Variants in STXBP5 observed in about 807,000 individuals in gnomAD.
STXBP5 encodes syntaxin binding protein 5.
In STXBP5, 50 loss-of-function variants were observed where a neutral mutation model predicts 152.4. That is an observed-to-expected ratio of 0.33 (90% confidence interval 0.26 to 0.42). The LOEUF (loss-of-function observed/expected upper bound fraction) is 0.42, where lower values mean the gene tolerates loss of function less well. STXBP5 is among the 10% of genes least tolerant of loss of function. The pLI is 1.00. For missense variants in STXBP5, 1,167 were observed against 1,388.6 expected (o/e 0.84, Z 2.54); for synonymous variants, 492 against 494.7 (o/e 0.99, Z 0.07).
At chr6:147,371,952 A>C (rs765605835) in intron 25 of STXBP5, among the ~76,000 whole-genome samples, 4 of 152,170 alleles carry the variant, frequency 2.6e-5, no homozygotes, top group Non-Finnish European at 5.9e-5. Context: ...GATCTGTGAA[A>C]TACTGTTTTT....
chr6:147,328,138 A>G (rs1336959055), intron 18 of STXBP5, among the ~76,000 whole-genome samples: 1 of 152,218 alleles, frequency 6.6e-6, no homozygotes, highest in African/African-American at 2.4e-5. Flanking sequence ...GTACACATGT[A>G]TACTTAGCTA....
rs748019156 is a variant in STXBP5, at chr6:147,316,275, C to A, written c.1670C>A (p.Pro557Gln). The change falls in exon 16 of 28, where the codon CCG becomes CAG. Residue 557 changes from proline (P) to glutamine (Q), a missense_variant. Transcript: ENST00000321680. ...LLYEINDVET[P>Q]EGEQPPPLPT... ...TATGAGATAAATGATGTGGAAACTC[C>A]GGAGGGTGAGCAGCCACCACCTTTG... The A allele has an allele frequency of 1.0e-4, 165 of 1,613,694 alleles. No individual in the cohort carries two copies. The highest frequency in any genetic ancestry group is 1.2e-4 in the Non-Finnish European group (140 of 1,179,950).
Position 147,386,614 on chromosome 6 carries a change from C to T in STXBP5, c.*1859C>T, listed in dbSNP as rs1350575759. ...GAAAGCACCAATGAATAACATATTT[C>T]TGTTTCGTTAATGTCAGCTGCCTGA... On this transcript the variant is annotated 3_prime_UTR_variant, in exon 28 of 28. Coordinates refer to ENST00000321680, the MANE Select transcript of STXBP5 (RefSeq NM_001127715.4). The T allele has an allele frequency of 6.6e-6, 1 of 151,820 alleles. No homozygotes were observed. Among genetic ancestry groups the T allele is most frequent in the Admixed American group, 6.6e-5 (1 of 15,224 alleles). 9.4% of individuals were successfully genotyped at this position (151,820 alleles called of 1,614,324 possible). A position where few individuals can be genotyped will look rare whatever the true frequency, so the allele number is the denominator to read the frequency against.
intron 17 of STXBP5, among the ~76,000 whole-genome samples, chr6:147,326,837 G>A (rs1783283686): frequency 6.6e-6 from 1 of 152,174 alleles, no homozygotes; most frequent in Admixed American, 6.5e-5. Context: ...GTTGCGTTGT[G>A]AGATGTGAGA....
intron 2 of STXBP5, among the ~76,000 whole-genome samples, chr6:147,225,073 TG>T (rs1236690642): frequency 6.6e-6 from 1 of 152,322 alleles, no homozygotes; most frequent in Admixed American, 6.5e-5. Flanking sequence ...AGTAAAAGAA[TG>T]TACTGAAAGA....
chr6:147,316,345 G>T lies in STXBP5; in HGVS notation c.1740G>T (p.Gln580His). 6.2e-7 allele frequency: 1 copy of T among 1,609,396 alleles called. No homozygotes were observed. Among genetic ancestry groups the T allele is most frequent in the East Asian group, 2.2e-5 (1 of 44,670 alleles). The change falls in exon 16 of 28, where the codon CAG (glutamine) becomes CAT (histidine). Residue 580 changes from glutamine (Q) to histidine (H), a missense_variant. Coordinates refer to ENST00000321680, the MANE Select transcript of STXBP5 (RefSeq NM_001127715.4). The stretch of plus-strand genomic sequence containing the variant: ...CCAACCCTCAGCCCATCCCTCCTCA[G>T]TCTCATCCATCTACCAGTAGCAGTT... ...GGSNPQPIPP[Q>H]SHPSTSSSSS...
At chr6:147,303,046 C>G (rs990662439) in intron 9 of STXBP5, among the ~76,000 whole-genome samples, 26 of 152,142 alleles carry the variant, frequency 1.7e-4, no homozygotes, top group Middle Eastern at 3.4e-3. Context: ...CGACAAATTG[C>G]CATATTGCTT....
intron 25 of STXBP5, among the ~76,000 whole-genome samples, chr6:147,365,568 GTCT>G (rs1785253841): frequency 2.0e-5 from 3 of 152,050 alleles, no homozygotes; most frequent in Admixed American, 6.5e-5. Context: ...AAATGAAATA[GTCT>G]TTTAGTAGTA....
chr6:147,273,810 G>A (rs1217650648), intron 7 of STXBP5, among the ~76,000 whole-genome samples: 1 of 152,118 alleles, frequency 6.6e-6, no homozygotes, highest in Non-Finnish European at 1.5e-5. Flanking sequence ...AAACTAGCCA[G>A]GTGTGGTGGT....
At chr6:147,224,605 T>C (rs1484965840) in intron 2 of STXBP5, among the ~76,000 whole-genome samples, 2 of 152,226 alleles carry the variant, frequency 1.3e-5, no homozygotes, top group Non-Finnish European at 2.9e-5. Flanking sequence ...TAATGTATTT[T>C]CATTTTTTCC....
chr6:147,239,891 C>CT (rs950230602), intron 4 of STXBP5, among the ~76,000 whole-genome samples: 1 of 151,462 alleles, frequency 6.6e-6, no homozygotes, highest in Non-Finnish European at 1.5e-5. Flanking sequence ...ATTGGAAAAA[C>CT]TTTTTCACCC....
At position 147,359,154 on chromosome 6, in the gene STXBP5, A is replaced by C. The variant is rs1470316806; in HGVS notation, c.2376A>C (p.Glu792Asp). The C allele has an allele frequency of 6.2e-7, 1 of 1,613,942 alleles. No homozygotes were observed. Among genetic ancestry groups the C allele is most frequent in the African/African-American group, 1.3e-5 (1 of 74,924 alleles). ...SVTSIDKESR[E>D]AISALHFCET... ...CAAGCATTGACAAAGAATCCCGAGA[A>C]GCGATCTCCGCTCTTCATTTCTGTG... The change falls in exon 23 of 28, where the codon GAA becomes GAC. Residue 792 changes from glutamate to aspartate, a missense_variant. Coordinates refer to ENST00000321680, the MANE Select transcript of STXBP5 (RefSeq NM_001127715.4).
At chr6:147,219,799 G>GTTTTTTTTTTT (rs35444906) in intron 2 of STXBP5, among the ~76,000 whole-genome samples, 1 of 86,104 alleles carries the variant, frequency 1.2e-5, no homozygotes, top group Non-Finnish European at 2.3e-5. Flanking sequence ...CTAGAAGCTT[G>GTTTTTTTTTTT]TTTTTTTTTT....
intron 21 of STXBP5, among the ~76,000 whole-genome samples, chr6:147,341,868 C>T (rs1784109723): frequency 6.6e-6 from 1 of 151,860 alleles, no homozygotes; most frequent in African/African-American, 2.4e-5. Context: ...TGGCATGTGC[C>T]AGCTTTTTAT....
intron 7 of STXBP5, among the ~76,000 whole-genome samples, chr6:147,267,382 G>A (rs934087601): frequency 2.0e-5 from 3 of 152,094 alleles, no homozygotes; most frequent in Non-Finnish European, 1.5e-5. Flanking sequence ...CTTACAGGTA[G>A]CATGTTACCA....
chr6:147,303,959 A>C (rs1781957855), intron 9 of STXBP5, among the ~76,000 whole-genome samples: 1 of 152,122 alleles, frequency 6.6e-6, no homozygotes, highest in South Asian at 2.1e-4. Context: ...CTAAGCAGCA[A>C]AGTGTTCAAG....
intron 9 of STXBP5, among the ~76,000 whole-genome samples, chr6:147,296,085 T>C (rs1781508979): frequency 6.6e-6 from 1 of 152,032 alleles, no homozygotes; most frequent in Non-Finnish European, 1.5e-5. Flanking sequence ...GATGGTCCTG[T>C]ACAATGAGGG....
At chr6:147,248,620 G>A (rs1394343832) in intron 4 of STXBP5, among the ~76,000 whole-genome samples, 2 of 152,138 alleles carry the variant, frequency 1.3e-5, no homozygotes, top group Non-Finnish European at 2.9e-5. Context: ...TTCTTGGGCA[G>A]TATTCACATC....
intron 9 of STXBP5, among the ~76,000 whole-genome samples, chr6:147,300,625 A>T (rs1310036837): frequency 6.6e-6 from 1 of 151,952 alleles, no homozygotes; most frequent in Non-Finnish European, 1.5e-5. Flanking sequence ...CTAAAGCCAC[A>T]CTCCTTTCAC....
Sources: allele counts gnomAD v4.1 joint callset (sites outside exome capture counted in the v4.1 genomes callset), GRCh38; gene constraint gnomAD v4.1.1; transcripts MANE v1.5; gene names NCBI Gene and HGNC (gene_info 2026-07-23, HGNC 2026-07-21).